The following STRN3 variants were observed in gnomAD, a reference collection of about 807,000 sequenced individuals.
The protein encoded by STRN3 is striatin 3, also known as striatin-3.
STRN3 carries 29 observed loss-of-function variants against 95.6 expected under a neutral mutation model. That is an observed-to-expected ratio of 0.30 (90% CI 0.23 to 0.41). The LOEUF (loss-of-function observed/expected upper bound fraction) is 0.41, where lower values mean the gene tolerates loss of function less well. Among genes scored for constraint, STRN3 ranks in the 10% least tolerant of loss-of-function variants. The probability of loss-of-function intolerance (pLI) is 1.00; values close to 1 mark genes in which losing one functional copy is unlikely to be tolerated. For synonymous variants in STRN3, 331 were observed against 357.6 expected (o/e 0.93, Z 0.84); for missense variants, 890 against 972.1 (o/e 0.92, Z 1.12).
chr14:30,920,353 C>T (rs565625318), intron 8 of STRN3, among the ~76,000 whole-genome samples: 1 of 152,108 alleles, frequency 6.6e-6, no homozygotes, highest in East Asian at 1.9e-4. Context: ...GGATTTCCCC[C>T]CCACAGAGAA....
intron 1 of STRN3, among the ~76,000 whole-genome samples, chr14:31,016,181 A>G (rs1883227262): frequency 6.6e-6 from 1 of 152,164 alleles, no homozygotes; most frequent in African/African-American, 2.4e-5. Flanking sequence ...ATCTTACCAT[A>G]TGATCCAACA....
intron 1 of STRN3, among the ~76,000 whole-genome samples, chr14:31,021,854 TG>T (rs1883523013): frequency 6.6e-6 from 1 of 151,648 alleles, no homozygotes; most frequent in African/African-American, 2.4e-5. Flanking sequence ...GACTACAGAG[TG>T]GGGTTAATGG....
At chr14:30,985,804 G>A (rs953559557) in intron 1 of STRN3, among the ~76,000 whole-genome samples, 1 of 152,092 alleles carries the variant, frequency 6.6e-6, no homozygotes, top group African/African-American at 2.4e-5. Flanking sequence ...GCTAATGTTT[G>A]CACACGTATC....
intron 1 of STRN3, among the ~76,000 whole-genome samples, chr14:31,002,889 A>G (rs1882534401): frequency 6.6e-6 from 1 of 152,182 alleles, no homozygotes; most frequent in Admixed American, 6.5e-5. Context: ...TTTTGCAAGA[A>G]GAAAAGAGTT....
At position 30,913,560 on chromosome 14, in the gene STRN3, G is replaced by C; in HGVS notation, c.1338C>G (p.Asp446Glu). The C allele has an allele frequency of 3.7e-6, 6 of 1,613,498 alleles. No homozygotes were observed. The highest frequency in any genetic ancestry group is 5.1e-6 in the Non-Finnish European group (6 of 1,179,700). ...AGTCTGCATCATTTGTTACCGTCAA[G>C]TCTGCAAGGTCTCCAAGGCCCAGTA... ...LSVLGLGDLA[D>E]LTVTNDADYS... Residue 446 changes from aspartate to glutamate, a missense_variant, in exon 10 of 18, where the codon GAC becomes GAG. By Grantham distance (45) the Asp-to-Glu change is conservative (BLOSUM62 2). Transcript: ENST00000357479.
intron 1 of STRN3, among the ~76,000 whole-genome samples, chr14:30,959,772 C>T (rs961068447): frequency 6.6e-6 from 1 of 151,996 alleles, no homozygotes; most frequent in Non-Finnish European, 1.5e-5. Flanking sequence ...CCAGCCTGGG[C>T]AACACAGTAA....
intron 1 of STRN3, among the ~76,000 whole-genome samples, chr14:31,001,393 G>A (rs179699): frequency 0.64 from 96,466 of 151,628 alleles, 31,672 homozygotes; most frequent in Non-Finnish European, 0.73. Context: ...AAATTTTGCC[G>A]GGCATGGTGA....
chr14:30,945,638 C>A (rs1329018358), intron 5 of STRN3, among the ~76,000 whole-genome samples: 1 of 152,004 alleles, frequency 6.6e-6, no homozygotes, highest in Non-Finnish European at 1.5e-5. Context: ...AAAAGAAACA[C>A]ATAAACCAAA....
intron 1 of STRN3, among the ~76,000 whole-genome samples, chr14:30,993,198 T>A (rs1882042795): frequency 6.7e-6 from 1 of 148,358 alleles, no homozygotes. Context: ...GAGGTTGCAG[T>A]GAGCTATGAT....
intron 5 of STRN3, among the ~76,000 whole-genome samples, chr14:30,946,091 A>G (rs1293642270): frequency 6.6e-6 from 1 of 152,232 alleles, no homozygotes; most frequent in African/African-American, 2.4e-5. Flanking sequence ...TAGGGTCTAA[A>G]TAACCATTGC....
intron 1 of STRN3, among the ~76,000 whole-genome samples, chr14:30,992,649 A>G (rs142309403): frequency 7.1e-4 from 108 of 152,114 alleles, no homozygotes; most frequent in African/African-American, 2.3e-3. Context: ...TATAAAGACT[A>G]AATAAAACTG....
At chr14:30,941,965 T>C (rs987650357) in intron 5 of STRN3, among the ~76,000 whole-genome samples, 8 of 152,196 alleles carry the variant, frequency 5.3e-5, no homozygotes, top group Non-Finnish European at 4.4e-5. Flanking sequence ...TCTCTATTCA[T>C]ACCCCTATTT....
intron 1 of STRN3, among the ~76,000 whole-genome samples, chr14:31,000,120 A>G (rs1882375950): frequency 6.6e-6 from 1 of 152,224 alleles, no homozygotes. Flanking sequence ...CCCTAAAGAA[A>G]TACTAAAGGG....
chr14:30,945,620 T>C (rs770489032), intron 5 of STRN3, among the ~76,000 whole-genome samples: 2 of 151,624 alleles, frequency 1.3e-5, no homozygotes, highest in African/African-American at 4.9e-5. Flanking sequence ...ATAATAATAA[T>C]AAAATAAAAA....
intron 1 of STRN3, among the ~76,000 whole-genome samples, chr14:31,019,116 G>A (rs1473027038): frequency 6.6e-6 from 1 of 152,074 alleles, no homozygotes; most frequent in Non-Finnish European, 1.5e-5. Context: ...CTCAAGACCA[G>A]CCTAGACAAC....
At chr14:30,941,720 G>T (rs1594469592) in intron 5 of STRN3, among the ~76,000 whole-genome samples, 1 of 152,122 alleles carries the variant, frequency 6.6e-6, no homozygotes, top group African/African-American at 2.4e-5. Context: ...CTGCCTACCA[G>T]GTTCAAGCGA....
chr14:30,935,565 A>G (rs189170981), intron 6 of STRN3, among the ~76,000 whole-genome samples: 1 of 152,356 alleles, frequency 6.6e-6, no homozygotes, highest in East Asian at 1.9e-4. Flanking sequence ...CTTAAATTAC[A>G]GTACATTCAC....
chr14:30,953,229 CAT>C (rs1879739113), intron 3 of STRN3, among the ~76,000 whole-genome samples: 2 of 152,228 alleles, frequency 1.3e-5, no homozygotes, highest in South Asian at 4.1e-4. Flanking sequence ...TGAACACGCC[CAT>C]GTAACCAGTA....
intron 7 of STRN3, among the ~76,000 whole-genome samples, chr14:30,931,239 G>GT (rs1374297303): frequency 6.6e-6 from 1 of 152,134 alleles, no homozygotes; most frequent in African/African-American, 2.4e-5. Flanking sequence ...TGCCTGGTAA[G>GT]TAACAGCTGT....
Sources: gnomAD v4.1 joint callset for allele counts (sites outside exome capture counted in the v4.1 genomes callset) on GRCh38, gnomAD v4.1.1 for gene constraint, MANE v1.5 for transcripts, NCBI Gene and HGNC (gene_info 2026-07-23, HGNC 2026-07-21) for gene names.